Variants in DPP6 observed in about 807,000 individuals in gnomAD.
DPP6 encodes the protein A-type potassium channel modulatory protein DPP6.
In DPP6, 69 loss-of-function variants were observed where a neutral mutation model predicts 122.6. The observed-to-expected ratio is 0.56, with a 90% CI of 0.46 to 0.69. DPP6 has a LOEUF of 0.69. Among genes scored for constraint, DPP6 ranks in the 30% least tolerant of loss-of-function variants. The pLI is 0.00. For synonymous variants in DPP6, 418 were observed against 433.1 expected, an observed-to-expected ratio of 0.97 and a Z score of 0.43; for missense variants, 928 against 1,116.9, an observed-to-expected ratio of 0.83 and a Z score of 2.41.
chr7:153,924,027 C>G (rs1196735294), intron 1 of DPP6, among the ~76,000 whole-genome samples: 1 of 152,136 alleles, frequency 6.6e-6, no homozygotes, highest in African/African-American at 2.4e-5. Flanking sequence ...CAGTCATTTT[C>G]TAGCTGGGTA....
intron 1 of DPP6, among the ~76,000 whole-genome samples, chr7:154,024,400 GC>G (rs1798871749): frequency 6.6e-6 from 1 of 152,024 alleles, no homozygotes; most frequent in African/African-American, 2.4e-5. Context: ...TAAAGACTGG[GC>G]TTGTTGGAGA....
intron 1 of DPP6, among the ~76,000 whole-genome samples, chr7:154,405,198 C>T (rs1815978012): frequency 6.6e-6 from 1 of 152,104 alleles, no homozygotes; most frequent in Non-Finnish European, 1.5e-5. Context: ...TTTATTAGCT[C>T]AAGCAACAAT....
intron 1 of DPP6, among the ~76,000 whole-genome samples, chr7:154,056,870 C>T (rs1211031370): frequency 6.6e-6 from 1 of 152,320 alleles, no homozygotes; most frequent in Non-Finnish European, 1.5e-5. Flanking sequence ...TATTACTTTT[C>T]TTCTGTTTCA....
chr7:154,400,004 A>G (rs1815429383), intron 1 of DPP6, among the ~76,000 whole-genome samples: 1 of 152,142 alleles, frequency 6.6e-6, no homozygotes, highest in South Asian at 2.1e-4. Flanking sequence ...TGAGAGGTGC[A>G]CCTTGGAGGG....
At chr7:154,000,903 C>T (rs1452682193) in intron 1 of DPP6, among the ~76,000 whole-genome samples, 1 of 152,190 alleles carries the variant, frequency 6.6e-6, no homozygotes, top group African/African-American at 2.4e-5. Flanking sequence ...ACACTGTACT[C>T]AGGGTATCTG....
At chr7:154,120,479 C>T (rs1289907847) in intron 1 of DPP6, among the ~76,000 whole-genome samples, 2 of 152,064 alleles carry the variant, frequency 1.3e-5, no homozygotes, top group Admixed American at 6.5e-5. Context: ...CTCTTGACCT[C>T]GTGATCCGCC....
At chr7:153,934,094 A>G (rs1466827198) in intron 1 of DPP6, among the ~76,000 whole-genome samples, 1 of 152,184 alleles carries the variant, frequency 6.6e-6, no homozygotes, top group Non-Finnish European at 1.5e-5. Context: ...GGGTGACGCC[A>G]TCATCATCTC....
chr7:154,874,118 G>GACCCACAC (rs74921703), intron 19 of DPP6, among the ~76,000 whole-genome samples: 24,832 of 150,426 alleles, frequency 0.17, 2,301 homozygotes, highest in East Asian at 0.53. Flanking sequence ...CACACCCACA[G>GACCCACAC]ACCCACACAC....
At position 154,595,798 on chromosome 7, in the gene DPP6, C is replaced by T. The variant is rs144567565; in HGVS notation, c.627+28882C>T. Among the ~76,000 whole-genome samples, 8 of 152,324 alleles carry T rather than the reference C, an allele frequency of 5.3e-5. No homozygotes were observed. In the East Asian group the frequency reaches 9.6e-4, roughly 18 times the overall value. On this transcript the variant is annotated intron_variant, in intron 5 of 25. Transcript: ENST00000377770. ...TAGCATGGCTGGGTGCAGTGGCTCA[C>T]GCCTGTAATCCCAGTACTTTAGGAG...
chr7:154,812,709 G>T (rs908567197), intron 16 of DPP6, among the ~76,000 whole-genome samples: 2 of 152,158 alleles, frequency 1.3e-5, no homozygotes, highest in Admixed American at 1.3e-4. Flanking sequence ...ATGTGGGGGG[G>T]ACATAAACAC....
intron 5 of DPP6, among the ~76,000 whole-genome samples, chr7:154,634,761 GCTCTCCCC>G (rs1835636308): frequency 3.3e-5 from 5 of 150,374 alleles, no homozygotes; most frequent in African/African-American, 1.2e-4. Flanking sequence ...TATTTTAATT[GCTCTCCCC>G]GTTTCTTATG....
chr7:154,034,876 T>G (rs1799440013), intron 1 of DPP6, among the ~76,000 whole-genome samples: 1 of 150,770 alleles, frequency 6.6e-6, no homozygotes, highest in African/African-American at 2.5e-5. Context: ...AGTCAGTCCA[T>G]TAATTTGTTT....
chr7:153,909,446 TA>T (rs56163570), intron 1 of DPP6, among the ~76,000 whole-genome samples: 30,947 of 151,944 alleles, frequency 0.2, 3,718 homozygotes, highest in East Asian at 0.29. Context: ...AAAAAAAACT[TA>T]AAAACTCACA....
At chr7:154,478,926 C>T (rs1448943635) in intron 3 of DPP6, among the ~76,000 whole-genome samples, 2 of 151,010 alleles carry the variant, frequency 1.3e-5, no homozygotes, top group Admixed American at 1.3e-4. Flanking sequence ...TAATTCTCTA[C>T]AGAGGAAGAG....
intron 19 of DPP6, 95 bp downstream of exon 19, chr7:154,872,788 C>T (rs965033118): frequency 1.3e-6 from 2 of 1,541,254 alleles, no homozygotes; most frequent in African/African-American, 2.7e-5. Context: ...AAAAGATAAG[C>T]AGGAGAAATG....
intron 3 of DPP6, among the ~76,000 whole-genome samples, chr7:154,517,418 AC>A (rs1393109458): frequency 1.3e-5 from 2 of 152,194 alleles, no homozygotes; most frequent in East Asian, 3.9e-4. Flanking sequence ...ACAGAGGATG[AC>A]AAAAATCTTG....
At chr7:154,096,609 T>C (rs544428908) in intron 1 of DPP6, among the ~76,000 whole-genome samples, 297 of 152,344 alleles carry the variant, frequency 1.9e-3, no homozygotes, top group African/African-American at 6.9e-3. Context: ...AAAGTCATAC[T>C]TTGGAAGATT....
chr7:154,373,432 C>T (rs1047209222), intron 1 of DPP6, among the ~76,000 whole-genome samples: 10 of 152,274 alleles, frequency 6.6e-5, no homozygotes, highest in East Asian at 3.9e-4. Context: ...TCTCTGTGAA[C>T]GGGCTCCTGG....
chr7:154,678,061 A>C (rs1873088), intron 7 of DPP6, among the ~76,000 whole-genome samples: 147,248 of 152,206 alleles, frequency 0.97, 71,402 homozygotes, highest in East Asian at 1. Context: ...TTGTAAACGC[A>C]CTGATCAGCA....
Sources: allele counts gnomAD v4.1 joint callset (sites outside exome capture counted in the v4.1 genomes callset), GRCh38; gene constraint gnomAD v4.1.1; transcripts MANE v1.5; gene names NCBI Gene and HGNC (gene_info 2026-07-23, HGNC 2026-07-21).